PCNX2: variants seen among roughly 807,000 people sequenced by gnomAD.
PCNX2 encodes pecanex 2.
Under a neutral mutation model 223.8 loss-of-function variants are expected in PCNX2, and 168 were observed. The ratio of observed to expected loss-of-function variants is 0.75; its 90% CI spans 0.66 to 0.85. The LOEUF (loss-of-function observed/expected upper bound fraction) is 0.85. PCNX2 is among the 40% of genes least tolerant of loss of function. The probability of loss-of-function intolerance (pLI) is 0.00; values close to 1 mark genes in which losing one functional copy is unlikely to be tolerated. For synonymous variants in PCNX2, 1,006 were observed against 1,052.6 expected (o/e 0.96, Z 0.86); for missense variants, 2,507 against 2,675.5 (o/e 0.94, Z 1.39).
chr1:233,325,251 A>C, the PCNX2 span, among the ~76,000 whole-genome samples: 1 of 152,306 alleles, frequency 6.6e-6, no homozygotes, highest in South Asian at 2.1e-4. Context: ...ATCAACATTA[A>C]CAGGAGTTTG....
At chr1:233,157,459 T>C (rs767475383) in intron 19 of PCNX2, among the ~76,000 whole-genome samples, 36 of 152,226 alleles carry the variant, frequency 2.4e-4, no homozygotes, top group Admixed American at 2.0e-4. Context: ...AGCCCAGTTC[T>C]AGGACTCTGT....
In PCNX2 at chr1:233,090,169, T is replaced by G. The variant is rs1673799463; in HGVS notation, c.3968A>C (p.Gln1323Pro). ...AGAAAAGATTGATGTGGCAATCGTCTGAAAGAAAAGCATGGCAGAATCTGA... is the reference window on the plus strand; with the variant it reads ...AGAAAAGATTGATGTGGCAATCGTCGGAAAGAAAAGCATGGCAGAATCTGA... ...AIPHSAMLFF[Q>P]TIATSIFSTP... is the part of the protein sequence containing the mutation. The change falls in exon 23 of 34, where the codon CAG becomes CCG. Residue 1323 changes from glutamine to proline, a missense_variant. This residue lies in a region of PCNX2 where 1,372 missense variants were observed against 1,509.4 expected (regional missense o/e 0.91). Coordinates refer to ENST00000258229, the MANE Select transcript of PCNX2 (RefSeq NM_014801.4). 1 of 1,613,356 alleles carries G rather than the reference T, an allele frequency of 6.2e-7. No homozygotes were observed. Among genetic ancestry groups the G allele is most frequent in the African/African-American group, 1.3e-5 (1 of 74,866 alleles).
chr1:233,100,605 C>T (rs940254080), intron 21 of PCNX2, among the ~76,000 whole-genome samples: 1 of 152,044 alleles, frequency 6.6e-6, no homozygotes, highest in Non-Finnish European at 1.5e-5. Context: ...AGAAATGTCT[C>T]CAAATAAAGG....
In PCNX2 at chr1:233,258,667, C is replaced by A; in HGVS notation, c.1195G>T (p.Val399Phe). The A allele has an allele frequency of 2.5e-6, 4 of 1,613,988 alleles. No homozygotes were observed. The highest frequency in any genetic ancestry group is 3.4e-6 in the Non-Finnish European group (4 of 1,179,888). The change falls in exon 5 of 34, where the codon GTT becomes TTT. Residue 399 changes from valine (V) to phenylalanine (F), a missense_variant. Val to Phe is a conservative substitution (Grantham distance 50). This residue lies in a region of PCNX2 where 1,031 missense variants were observed against 1,021.7 expected (regional missense o/e 1.01). Transcript: ENST00000258229. Reference protein sequence around the residue: ...DLESSLHLRVVGTEKTSVKSD... With the variant: ...DLESSLHLRVFGTEKTSVKSD... ...TTTACACTGGTCTTCTCTGTGCCAA[C>A]CACCCTCAGGTGGAGGGAGCTTTCC... is the stretch of plus-strand genomic sequence containing the variant.
rs558740586 is a variant in PCNX2, at chr1:233,183,663, T to C, written c.3067-4488A>G. ...CACGCATCAAACATTCATTCATTCC[T>C]ACAATGTGCTGGGTACCCAGAAGCA... On this transcript the variant is annotated intron_variant, in intron 15 of 33. Coordinates refer to ENST00000258229, the MANE Select transcript of PCNX2 (RefSeq NM_014801.4). 1.3e-5 allele frequency among the ~76,000 whole-genome samples: 2 copies of C among 152,316 alleles called. 1 individual carries two copies. The highest frequency in any genetic ancestry group is 2.9e-5 in the Non-Finnish European group (2 of 68,028).
the PCNX2 span, among the ~76,000 whole-genome samples, chr1:233,304,737 T>A: frequency 6.6e-6 from 1 of 152,134 alleles, no homozygotes. Flanking sequence ...AATACGTTAT[T>A]GGTATTGCAA....
At position 233,090,055 on chromosome 1, in the gene PCNX2, T is replaced by C. The variant is rs368161022; in HGVS notation, c.4076+6A>G. On this transcript the variant is annotated splice_donor_region_variant and intron_variant, in intron 23 of 33. Transcript: ENST00000258229. The stretch of plus-strand genomic sequence containing the variant: ...AAGCAATTGAGCACTGATTTTAGGA[T>C]CTTACTTGTAGTTTTTCTCCCAGAA... The C allele has an allele frequency of 1.5e-5, 25 of 1,613,660 alleles. No individual in the cohort carries two copies. Among genetic ancestry groups the C allele is most frequent in the Non-Finnish European group, 1.9e-5 (23 of 1,179,808 alleles).
At chr1:233,284,846 C>T (rs1032713835) in intron 1 of PCNX2, among the ~76,000 whole-genome samples, 1 of 152,036 alleles carries the variant, frequency 6.6e-6, no homozygotes, top group Non-Finnish European at 1.5e-5. Context: ...CAGGAGCCTC[C>T]AGAGCCACAG....
At chr1:233,244,710 C>CA (rs896674885) in intron 8 of PCNX2, among the ~76,000 whole-genome samples, 2 of 151,836 alleles carry the variant, frequency 1.3e-5, no homozygotes, top group Admixed American at 6.6e-5. Context: ...GACCCTGTCT[C>CA]AAAAAAATTA....
At chr1:233,105,195 T>A (rs530791410) in intron 21 of PCNX2, among the ~76,000 whole-genome samples, 1 of 152,280 alleles carries the variant, frequency 6.6e-6, no homozygotes, top group Admixed American at 6.5e-5. Flanking sequence ...AATCTATAAA[T>A]GTATAAAAAC....
intron 1 of PCNX2, among the ~76,000 whole-genome samples, chr1:233,268,686 G>C (rs1246166182): frequency 7.9e-5 from 12 of 152,264 alleles, no homozygotes. Flanking sequence ...AGTAATAAAA[G>C]TGTGGCCTTC....
At position 233,054,397 on chromosome 1, in the gene PCNX2, C is replaced by T; in HGVS notation, c.4222G>A (p.Gly1408Arg). Residue 1408 changes from glycine (G) to arginine (R), a missense_variant, in exon 25 of 34, where the codon GGA becomes AGA. Gly to Arg is a moderately radical substitution (Grantham distance 125, BLOSUM62 -2). Coordinates refer to ENST00000258229, the MANE Select transcript of PCNX2 (RefSeq NM_014801.4). ...CCAGAGCTGTAGTTGCCCCAACGTC[C>T]AAGAACTAAGTCTCCACAGAGGGAC... ...QESLCGDLVL[G>R]RWGNYSSGDC... 1 of 1,613,860 alleles carries T rather than the reference C, an allele frequency of 6.2e-7. No individual in the cohort carries two copies. Among genetic ancestry groups the T allele is most frequent in the South Asian group, 1.1e-5 (1 of 91,076 alleles).
At chr1:233,161,244 A>T in intron 18 of PCNX2, 27 bp downstream of exon 18, 1 of 1,580,726 alleles carries the variant, frequency 6.3e-7, no homozygotes, top group Non-Finnish European at 8.7e-7. Flanking sequence ...AGGGGGCAGG[A>T]AGAGTACAAA....
chr1:233,218,451 A>G (rs190967497), intron 10 of PCNX2, among the ~76,000 whole-genome samples: 1 of 151,750 alleles, frequency 6.6e-6, no homozygotes. Flanking sequence ...GGGGTTTCAC[A>G]ATGTTAGTCA....
At chr1:233,129,570 C>A (rs1336452341) in intron 21 of PCNX2, among the ~76,000 whole-genome samples, 1 of 152,202 alleles carries the variant, frequency 6.6e-6, no homozygotes, top group East Asian at 1.9e-4. Context: ...CTGGGTGAAG[C>A]CAGCTAGGCT....
At chr1:233,170,447 T>C (rs565669700) in intron 17 of PCNX2, among the ~76,000 whole-genome samples, 18 of 152,332 alleles carry the variant, frequency 1.2e-4, no homozygotes, top group Admixed American at 7.8e-4. Context: ...TTTCCTCATT[T>C]GTGAAGTGTA....
intron 13 of PCNX2, among the ~76,000 whole-genome samples, chr1:233,207,049 C>T (rs1681514987): frequency 6.6e-6 from 1 of 150,852 alleles, no homozygotes. Context: ...GAAGAAGTTA[C>T]TCTGCTTCTC....
chr1:233,307,159 T>G, the PCNX2 span, among the ~76,000 whole-genome samples: 2 of 152,338 alleles, frequency 1.3e-5, no homozygotes, highest in African/African-American at 4.8e-5. Flanking sequence ...AAATCCTCTG[T>G]GAAAGATCAA....
At chr1:233,040,358 C>A (rs901766985) in intron 25 of PCNX2, among the ~76,000 whole-genome samples, 3 of 152,214 alleles carry the variant, frequency 2.0e-5, no homozygotes, top group Non-Finnish European at 2.9e-5. Flanking sequence ...TTCATCCTCC[C>A]ATGAGAGAAT....
Sources: allele counts gnomAD v4.1 joint callset (sites outside exome capture counted in the v4.1 genomes callset), GRCh38; gene constraint gnomAD v4.1.1; regional missense constraint gnomAD v4.1.1; transcripts MANE v1.5; gene names NCBI Gene and HGNC (gene_info 2026-07-23, HGNC 2026-07-21).